The following SLC39A5 variants were observed in gnomAD, a reference collection of about 807,000 sequenced individuals.
SLC39A5 encodes zinc transporter ZIP5.
A neutral mutation model predicts 46.9 loss-of-function variants in SLC39A5; 42 were observed. The observed-to-expected ratio is 0.90, with a 90% confidence interval of 0.70 to 1.16. The LOEUF (loss-of-function observed/expected upper bound fraction) is 1.16. SLC39A5 is among the 50% of genes most tolerant of loss of function. SLC39A5 has a pLI of 0.00. For missense variants in SLC39A5, 677 were observed against 686.8 expected (o/e 0.99, Z 0.16); for synonymous variants, 311 against 323.1 (o/e 0.96, Z 0.40).
Position 56,231,327 on chromosome 12 carries a change from T to A in SLC39A5, c.53T>A (p.Val18Asp), listed in dbSNP as rs1870185809. 1.9e-6 allele frequency: 3 copies of A among 1,613,088 alleles called. No individual in the cohort carries two copies. Among genetic ancestry groups the A allele is most frequent in the East Asian group, 2.2e-5 (1 of 44,882 alleles). ...HLLAGFCVWVVLGWVGGSVPN... is the reference protein window; with the variant it reads ...HLLAGFCVWVDLGWVGGSVPN... ...CTGGCCGGCTTCTGTGTGTGGGTCG[T>A]CTTGGGCTGGGTAGGGGGCTCAGTC... The change falls in exon 4 of 13, where the codon GTC (valine) becomes GAC (aspartate). Residue 18 changes from valine (V) to aspartate (D), a missense_variant. Val to Asp is a radical substitution (Grantham distance 152). Coordinates refer to ENST00000454355, the MANE Select transcript of SLC39A5 (RefSeq NM_173596.3).
rs751555091 is a variant in SLC39A5, at chr12:56,235,230, C to T, written c.708C>T (p.Leu236=). 8 of 1,585,384 alleles carry T rather than the reference C, an allele frequency of 5.0e-6. No homozygotes were observed. The highest frequency in any genetic ancestry group is 6.9e-6 in the Non-Finnish European group (8 of 1,167,650). ...PSPLSLLLLR[L]LGPRLLRPLL... is the part of the protein sequence containing the mutation. ...CCCTATCCCTGCTGCTGCTGCGGCTCCTGGGACCTCGTCTACTACGGCCCT... is the reference window on the plus strand; with the variant it reads ...CCCTATCCCTGCTGCTGCTGCGGCTTCTGGGACCTCGTCTACTACGGCCCT... Residue 236 remains leucine, a synonymous_variant, in exon 7 of 13, where the codon CTC becomes CTT. Coordinates refer to ENST00000454355, the MANE Select transcript of SLC39A5 (RefSeq NM_173596.3).
intron 10 of SLC39A5, 26 bp downstream of exon 10, chr12:56,236,772 G>T: frequency 6.3e-7 from 1 of 1,582,278 alleles, no homozygotes. Context: ...ACGGAGGGAA[G>T]CAGGTCCGAG....
intron 4 of SLC39A5, 111 bp from the exon 5 acceptor site, chr12:56,232,578 A>T: frequency 1.1e-6 from 1 of 923,402 alleles, no homozygotes; most frequent in Non-Finnish European, 1.6e-6. Flanking sequence ...GGGTCCCAGG[A>T]TCTCCAGTCA....
chr12:56,237,487 A>AG lies in SLC39A5; in HGVS notation c.1480-99dup, dbSNP rs998398686. 59 of 1,576,486 alleles carry AG rather than the reference A, an allele frequency of 3.7e-5. No individual in the cohort carries two copies. The Admixed American group carries it at 5.1e-4, about 14-fold the overall frequency. ...CAAAAGTCTGAGAAACAAGGGACTA[A>AG]GGTGTTTGGGTGGGGGCTGCTGATG... is the stretch of plus-strand genomic sequence containing the variant. On this transcript the variant is annotated intron_variant, in intron 12 of 12. Coordinates refer to ENST00000454355, the MANE Select transcript of SLC39A5 (RefSeq NM_173596.3).
At position 56,237,344 on chromosome 12, in the gene SLC39A5, A is replaced by G. The variant is rs1462120721; in HGVS notation, c.1479+4A>G. On this transcript the variant is annotated splice_donor_region_variant and intron_variant, in intron 12 of 12. Coordinates refer to ENST00000454355, the MANE Select transcript of SLC39A5 (RefSeq NM_173596.3). ...CTATGTGGCCCTTGTGGACATGGTGAGAGATGTCGGGTAGAGCAGAGAAAT... is the reference window on the plus strand; with the variant it reads ...CTATGTGGCCCTTGTGGACATGGTGGGAGATGTCGGGTAGAGCAGAGAAAT... The G allele has an allele frequency of 6.3e-7, 1 of 1,581,532 alleles. No individual in the cohort carries two copies. Among genetic ancestry groups the G allele is most frequent in the Admixed American group, 1.8e-5 (1 of 56,728 alleles).
Position 56,234,236 on chromosome 12 carries a change from C to T in SLC39A5, c.472-588C>T, listed in dbSNP as rs201627249. 4.6e-5 allele frequency among the ~76,000 whole-genome samples: 7 copies of T among 152,036 alleles called. No homozygotes were observed. In the East Asian group the frequency reaches 1.4e-3, roughly 29 times the overall value. ...GATCTTGGCTCACTGCAACCTCCACCTCCTGGGTTAAAGCAATTCTCCTGC... is the reference window on the plus strand; with the variant it reads ...GATCTTGGCTCACTGCAACCTCCACTTCCTGGGTTAAAGCAATTCTCCTGC... On this transcript the variant is annotated intron_variant, in intron 5 of 12. Coordinates refer to ENST00000454355, the MANE Select transcript of SLC39A5 (RefSeq NM_173596.3).
intron 10 of SLC39A5, 92 bp downstream of exon 10, chr12:56,236,838 T>C (rs1238986203): frequency 1.3e-6 from 2 of 1,586,796 alleles, no homozygotes; most frequent in Non-Finnish European, 1.7e-6. Flanking sequence ...GTCAGGAAGA[T>C]GGGGAGAGGA....
chr12:56,231,438 C>T lies in SLC39A5; in HGVS notation c.164C>T (p.Ala55Val), dbSNP rs772831047. ...GLYGENGTLTAGGLARLLHSL... is the reference protein window; with the variant it reads ...GLYGENGTLTVGGLARLLHSL... ...TACGGCGAGAATGGGACGCTGACTGCAGGGGGCTTGGCGCGGCTTCTCCAC... is the reference window on the plus strand; with the variant it reads ...TACGGCGAGAATGGGACGCTGACTGTAGGGGGCTTGGCGCGGCTTCTCCAC... Residue 55 changes from alanine to valine, a missense_variant, in exon 4 of 13, where the codon GCA becomes GTA. Transcript: ENST00000454355. 3 of 1,614,102 alleles carry T rather than the reference C, an allele frequency of 1.9e-6. No homozygotes were observed. Among genetic ancestry groups the T allele is most frequent in the African/African-American group, 1.3e-5 (1 of 75,040 alleles).
chr12:56,231,586 C>A, intron 4 of SLC39A5, 25 bp downstream of exon 4: 1 of 1,514,434 alleles, frequency 6.6e-7, no homozygotes, highest in Non-Finnish European at 8.8e-7. Context: ...CTCCACTCCA[C>A]AGGGCCACAT....
At position 56,232,717 on chromosome 12, in the gene SLC39A5, G is replaced by A. The variant is rs748493491; in HGVS notation, c.316G>A (p.Val106Ile). 7.4e-6 allele frequency: 12 copies of A among 1,610,852 alleles called. No individual in the cohort carries two copies. Among genetic ancestry groups the A allele is most frequent in the Non-Finnish European group, 1.0e-5 (12 of 1,178,830 alleles). ...RPQNPELSVD[V>I]WAGMPLGPSG... ...ACAGAACCCTGAGCTGAGTGTGGATGTCTGGGCAGGGATGCCTCTGGGTCC... is the reference window on the plus strand; with the variant it reads ...ACAGAACCCTGAGCTGAGTGTGGATATCTGGGCAGGGATGCCTCTGGGTCC... Residue 106 changes from valine (V) to isoleucine (I), a missense_variant, in exon 5 of 13, where the codon GTC (valine) becomes ATC (isoleucine). Physicochemically the swap from Val to Ile is conservative, Grantham distance 29. Transcript: ENST00000454355.
At chr12:56,234,273 G>C (rs946709474) in intron 5 of SLC39A5, among the ~76,000 whole-genome samples, 1 of 150,800 alleles carries the variant, frequency 6.6e-6, no homozygotes, top group South Asian at 2.1e-4. Context: ...TCAGCCTCCC[G>C]AGTAGCTGGG....
chr12:56,235,676 T>C lies in SLC39A5; in HGVS notation c.921T>C (p.Leu307=). ...TTGTGCTGGAGAACATGCTGGGGCT[T>C]TTGCGGCACCGAGGGCTCAGGCCAG... ...LLFVLENMLG[L]LRHRGLRPRC... is the part of the protein sequence containing the mutation. Residue 307 remains leucine (L), a synonymous_variant, in exon 8 of 13, where the codon CTT becomes CTC. Coordinates refer to ENST00000454355, the MANE Select transcript of SLC39A5 (RefSeq NM_173596.3). 4 of 1,614,050 alleles carry C rather than the reference T, an allele frequency of 2.5e-6. No homozygotes were observed. Among genetic ancestry groups the C allele is most frequent in the Non-Finnish European group, 3.4e-6 (4 of 1,180,004 alleles).
At position 56,231,477 on chromosome 12, in the gene SLC39A5, G is replaced by T; in HGVS notation, c.203G>T (p.Gly68Val). 1 of 1,613,032 alleles carries T rather than the reference G, an allele frequency of 6.2e-7. No homozygotes were observed. Among genetic ancestry groups the T allele is most frequent in the Non-Finnish European group, 8.5e-7 (1 of 1,179,428 alleles). Reference protein sequence around the residue: ...LARLLHSLGLGRVQGLRLGQH... With the variant: ...LARLLHSLGLVRVQGLRLGQH... ...CGGCTTCTCCACAGCCTGGGGCTAG[G>T]CCGAGTTCAGGGGCTTCGCCTGGGA... The change falls in exon 4 of 13, where the codon GGC becomes GTC. Residue 68 changes from glycine (G) to valine (V), a missense_variant. Coordinates refer to ENST00000454355, the MANE Select transcript of SLC39A5 (RefSeq NM_173596.3).
Position 56,237,794 on chromosome 12 carries a change from G to T in SLC39A5, c.*63G>T. 6.7e-7 allele frequency: 1 copy of T among 1,489,480 alleles called. No individual in the cohort carries two copies. Among genetic ancestry groups the T allele is most frequent in the Non-Finnish European group, 8.9e-7 (1 of 1,119,416 alleles). The allele number at this position is 1,489,480 out of a possible 1,614,324, so 92.3% of individuals were successfully genotyped here. A position where few individuals can be genotyped will look rare whatever the true frequency, so the allele number is the denominator to read the frequency against. ...CCCCCAACCACAGGAATGGAGGCGG[G>T]ACACAGGGCCAGTAGGAGCAATAGG... On this transcript the variant is annotated 3_prime_UTR_variant, in exon 13 of 13. Transcript: ENST00000454355.
chr12:56,235,075 C>A lies in SLC39A5; in HGVS notation c.635-82C>A, dbSNP rs890509151. ...GAGGCTCACTGGGGTCCTGCCTCTC[C>A]TTGTAGTGTTCTCTCTGCTCCACCT... On this transcript the variant is annotated intron_variant, in intron 6 of 12. Coordinates refer to ENST00000454355, the MANE Select transcript of SLC39A5 (RefSeq NM_173596.3). 14 of 1,583,140 alleles carry A rather than the reference C, an allele frequency of 8.8e-6. No homozygotes were observed. In the African/African-American group the frequency reaches 1.5e-4, roughly 17 times the overall value.
Position 56,231,340 on chromosome 12 carries a change from AG to A in SLC39A5, c.71del (p.Gly24AlafsTer30). 2 of 1,613,590 alleles carry A rather than the reference AG, an allele frequency of 1.2e-6. No individual in the cohort carries two copies. Among genetic ancestry groups the A allele is most frequent in the Non-Finnish European group, 1.7e-6 (2 of 1,179,926 alleles). ...GTGTGTGGGTCGTCTTGGGCTGGGT[AG>A]GGGGCTCAGTCCCCAACCTGGGCCC... ...FCVWVVLGWV[G>X]GSVPNLGPAE... On this transcript the variant is annotated frameshift_variant, in exon 4 of 13. Transcript: ENST00000454355. LOFTEE classifies it high-confidence loss of function.
rs761137536 is a variant in SLC39A5, at chr12:56,235,161, G to A, written c.639G>A (p.Leu213=). The part of the protein sequence containing the change: ...PAPPGDLLSA[L]LQSALAVLLL... ...TCAGCCCCTGATTCTCCCCAGCCCT[G>A]CTTCAGAGTGCCCTGGCAGTCCTGT... Residue 213 remains leucine, a synonymous_variant, in exon 7 of 13, where the codon CTG becomes CTA. Transcript: ENST00000454355. 1.3e-6 allele frequency: 2 copies of A among 1,548,184 alleles called. No homozygotes were observed. The highest frequency in any genetic ancestry group is 1.4e-5 in the African/African-American group (1 of 73,072).
rs142044538 is a variant in SLC39A5, at chr12:56,231,419, G to A, written c.145G>A (p.Glu49Lys). 6.3e-4 allele frequency: 1,022 copies of A among 1,614,150 alleles called. 15 individuals carry two copies. In the South Asian group the frequency reaches 9.4e-3, roughly 15 times the overall value. Residue 49 changes from glutamate (E) to lysine (K), a missense_variant, in exon 4 of 13, where the codon GAG becomes AAG. Physicochemically the swap from Glu to Lys is moderately conservative, Grantham distance 56 (BLOSUM62 1). Transcript: ENST00000454355. ...YLAQLFGLYGENGTLTAGGLA... is the reference protein window; with the variant it reads ...YLAQLFGLYGKNGTLTAGGLA... ...GGCCCAGCTGTTTGGCCTGTACGGC[G>A]AGAATGGGACGCTGACTGCAGGGGG...
intron 4 of SLC39A5, among the ~76,000 whole-genome samples, chr12:56,232,005 T>C (rs1870259682): frequency 6.6e-6 from 1 of 152,036 alleles, no homozygotes; most frequent in Non-Finnish European, 1.5e-5. Context: ...GTGCTGGGAC[T>C]ACAGATGTGA....
Sources: allele counts gnomAD v4.1 joint callset (sites outside exome capture counted in the v4.1 genomes callset), GRCh38; gene constraint gnomAD v4.1.1; transcripts MANE v1.5; gene names NCBI Gene and HGNC (gene_info 2026-07-23, HGNC 2026-07-21).